PP2D1: variants seen among roughly 807,000 people sequenced by gnomAD.
PP2D1 encodes protein phosphatase 2C-like domain-containing protein 1.
A neutral mutation model predicts 30.2 loss-of-function variants in PP2D1; 25 were observed. The observed-to-expected ratio is 0.83, with a 90% confidence interval of 0.60 to 1.16. PP2D1 has a LOEUF of 1.16. PP2D1 is among the 50% of genes most tolerant of loss of function. The probability of loss-of-function intolerance (pLI) is 0.00; values close to 1 mark genes in which losing one functional copy is unlikely to be tolerated. For missense variants in PP2D1, 760 were observed against 742.4 expected (o/e 1.02, Z -0.28); for synonymous variants, 260 against 258.9 (o/e 1.00, Z -0.04).
intron 1 of PP2D1, 51 bp from the exon 2 acceptor site, chr3:20,002,147 C>A: frequency 1.7e-6 from 2 of 1,206,668 alleles, no homozygotes; most frequent in African/African-American, 3.0e-5. Context: ...CAGCGAAAAT[C>A]TCTTCAAGCA....
At chr3:19,989,553 T>C (rs114900525) in intron 2 of PP2D1, among the ~76,000 whole-genome samples, 1,756 of 152,344 alleles carry the variant, frequency 0.012, 36 homozygotes, top group African/African-American at 0.04. Flanking sequence ...TACTGTTGAT[T>C]ATTCGACTTA....
At chr3:20,011,254 C>A (rs1447165873) in intron 1 of PP2D1, among the ~76,000 whole-genome samples, 1 of 151,918 alleles carries the variant, frequency 6.6e-6, no homozygotes, top group African/African-American at 2.4e-5. Context: ...GAGCTTTTGG[C>A]CAAAATATAT....
At chr3:19,998,593 A>G (rs1308319098) in intron 2 of PP2D1, among the ~76,000 whole-genome samples, 2 of 152,200 alleles carry the variant, frequency 1.3e-5, no homozygotes, top group Admixed American at 1.3e-4. Flanking sequence ...TTATGTATCA[A>G]TAAAATAGAT....
chr3:19,995,710 A>G (rs1697172392), intron 2 of PP2D1, among the ~76,000 whole-genome samples: 1 of 152,230 alleles, frequency 6.6e-6, no homozygotes, highest in Non-Finnish European at 1.5e-5. Flanking sequence ...ATAAGTTATT[A>G]TAACTGTATG....
downstream of PP2D1, among the ~76,000 whole-genome samples, chr3:19,982,175 C>G (rs188245644): frequency 1.4e-3 from 217 of 152,186 alleles, no homozygotes; most frequent in African/African-American, 4.9e-3. Flanking sequence ...GAGTTCAAGG[C>G]TGCAGTGAGC....
intron 2 of PP2D1, among the ~76,000 whole-genome samples, chr3:19,992,538 A>G (rs1170022853): frequency 6.6e-6 from 1 of 152,228 alleles, no homozygotes; most frequent in African/African-American, 2.4e-5. Flanking sequence ...TTTCACACCC[A>G]TGGAAACAAT....
At chr3:19,994,103 TG>T (rs976453293) in intron 2 of PP2D1, among the ~76,000 whole-genome samples, 16 of 150,586 alleles carry the variant, frequency 1.1e-4, no homozygotes, top group African/African-American at 3.4e-4. Flanking sequence ...TTGTCCAAGA[TG>T]GGGAAGACTA....
chr3:20,008,003 A>G, intron 1 of PP2D1: 1 of 204,772 alleles, frequency 4.9e-6, no homozygotes, highest in Admixed American at 4.7e-5. Flanking sequence ...AAACCTATAA[A>G]ATTGAAATGT....
At chr3:19,987,056 C>A (rs181326568) in intron 2 of PP2D1, among the ~76,000 whole-genome samples, 63 of 149,054 alleles carry the variant, frequency 4.2e-4, no homozygotes, top group Admixed American at 4.2e-3. Context: ...AAAAAAAAAT[C>A]ATTCCTGTGG....
chr3:19,988,717 C>T (rs571305570), intron 2 of PP2D1, among the ~76,000 whole-genome samples: 87 of 152,224 alleles, frequency 5.7e-4, no homozygotes, highest in African/African-American at 2.0e-3. Flanking sequence ...ATGTCTCCCC[C>T]GGACACCCAG....
chr3:20,006,286 G>A (rs1697317813), intron 1 of PP2D1, among the ~76,000 whole-genome samples: 1 of 152,058 alleles, frequency 6.6e-6, no homozygotes, highest in South Asian at 2.1e-4. Context: ...TTTTCTGAAG[G>A]CAAGTAGGGA....
chr3:19,982,788 T>C (rs915728855), downstream of PP2D1, among the ~76,000 whole-genome samples: 1 of 150,314 alleles, frequency 6.7e-6, no homozygotes, highest in Admixed American at 6.6e-5. Context: ...AGAGAGCATG[T>C]ATATAGATGT....
intron 2 of PP2D1, among the ~76,000 whole-genome samples, chr3:19,990,916 A>G (rs1466328509): frequency 1.3e-5 from 2 of 152,182 alleles, no homozygotes; most frequent in African/African-American, 2.4e-5. Flanking sequence ...TTTAAGAGAA[A>G]GGACAATTTG....
chr3:20,011,997 A>G lies in PP2D1; in HGVS notation c.23+53T>C. 10 of 1,350,180 alleles carry G rather than the reference A, an allele frequency of 7.4e-6. No homozygotes were observed. In the South Asian group the frequency reaches 7.8e-5, roughly 11 times the overall value. The allele number at this position is 1,350,180 out of a possible 1,614,324, so 83.6% of individuals were successfully genotyped here. A position where few individuals can be genotyped will look rare whatever the true frequency, so the allele number is the denominator to read the frequency against. ...AGTGGAAGAAAAAAATACTGTAGATATAATTACTCATTGGCTATACGTATT... is the reference window on the plus strand; with the variant it reads ...AGTGGAAGAAAAAAATACTGTAGATGTAATTACTCATTGGCTATACGTATT... On this transcript the variant is annotated intron_variant, in intron 1 of 2. Coordinates refer to ENST00000389050, the MANE Select transcript of PP2D1 (RefSeq NM_001252657.2).
At chr3:19,987,932 G>T (rs1404455480) in intron 2 of PP2D1, among the ~76,000 whole-genome samples, 2 of 152,130 alleles carry the variant, frequency 1.3e-5, no homozygotes, top group Non-Finnish European at 2.9e-5. Context: ...AACATAAATT[G>T]TGAAGATTTC....
Position 20,001,053 on chromosome 3 carries a change from C to A in PP2D1, c.1067G>T (p.Gly356Val), listed in dbSNP as rs190209908. The A allele has an allele frequency of 5.2e-5, 72 of 1,396,748 alleles. No homozygotes were observed. In the East Asian group the frequency reaches 1.8e-3, roughly 35 times the overall value. 86.5% of individuals were successfully genotyped at this position (1,396,748 alleles called of 1,614,324 possible). ...ACCAGTGTTTGCAACATGTAATATT[C>A]CAGAAATTATTTTTGGCATCTCCTG... ...PSQEMPKIISGILHVANTGNV... is the reference protein window; with the variant it reads ...PSQEMPKIISVILHVANTGNV... The change falls in exon 2 of 3, where the codon GGA (glycine) becomes GTA (valine). Residue 356 changes from glycine to valine, a missense_variant. Gly to Val is a moderately radical substitution (Grantham distance 109). Coordinates refer to ENST00000389050, the MANE Select transcript of PP2D1 (RefSeq NM_001252657.2).
chr3:19,986,232 A>G (rs1185962502), intron 2 of PP2D1, 50 bp from the exon 3 acceptor site: 2 of 1,292,786 alleles, frequency 1.5e-6, no homozygotes, highest in East Asian at 5.1e-5. Flanking sequence ...GAGATAACCA[A>G]TTGTATCAAA....
chr3:19,982,576 A>T (rs1217128026), downstream of PP2D1, among the ~76,000 whole-genome samples: 1 of 152,138 alleles, frequency 6.6e-6, no homozygotes, highest in Non-Finnish European at 1.5e-5. Context: ...GCGGTCGAGC[A>T]TGGTGGCTCA....
At chr3:20,006,618 C>T (rs1324881906) in intron 1 of PP2D1, among the ~76,000 whole-genome samples, 1 of 152,114 alleles carries the variant, frequency 6.6e-6, no homozygotes, top group African/African-American at 2.4e-5. Context: ...TGCACCACCA[C>T]GCCTGGCTAA....
Sources: gnomAD v4.1 joint callset for allele counts (sites outside exome capture counted in the v4.1 genomes callset) on GRCh38, gnomAD v4.1.1 for gene constraint, MANE v1.5 for transcripts, NCBI Gene and HGNC (gene_info 2026-07-23, HGNC 2026-07-21) for gene names.